The following BBS9 variants were observed in gnomAD, a reference collection of about 807,000 sequenced individuals.
BBS9 encodes the protein Bardet-Biedl syndrome 9.
A neutral mutation model predicts 117.7 loss-of-function variants in BBS9; 89 were observed. The ratio of observed to expected loss-of-function variants is 0.76; its 90% confidence interval spans 0.64 to 0.90. The LOEUF (loss-of-function observed/expected upper bound fraction) is 0.90. BBS9 is among the 40% of genes least tolerant of loss of function. The probability of loss-of-function intolerance (pLI) is 0.00; values close to 1 mark genes in which losing one functional copy is unlikely to be tolerated. For missense variants in BBS9, 982 were observed against 1,042.2 expected (o/e 0.94, Z 0.80); for synonymous variants, 379 against 370.9 (o/e 1.02, Z -0.25).
intron 19 of BBS9, among the ~76,000 whole-genome samples, chr7:33,435,605 A>G (rs1459907508): frequency 6.6e-6 from 1 of 152,152 alleles, no homozygotes; most frequent in East Asian, 1.9e-4. Flanking sequence ...TAGATGCATC[A>G]ATAGATACTG....
chr7:33,423,079 G>C (rs1050792107), intron 19 of BBS9, among the ~76,000 whole-genome samples: 2 of 152,056 alleles, frequency 1.3e-5, no homozygotes, highest in Non-Finnish European at 2.9e-5. Flanking sequence ...GCCAGGGATC[G>C]GAACACTTTG....
chr7:33,311,862 G>A (rs1809319847), intron 9 of BBS9, among the ~76,000 whole-genome samples: 1 of 151,496 alleles, frequency 6.6e-6, no homozygotes, highest in African/African-American at 2.4e-5. Flanking sequence ...TGGCATAAAA[G>A]CAATGGCTAT....
intron 20 of BBS9, among the ~76,000 whole-genome samples, chr7:33,524,624 T>C: frequency 6.6e-6 from 1 of 152,216 alleles, no homozygotes. Flanking sequence ...ATTGCGTCTA[T>C]TTGATTCTTC....
At chr7:33,446,845 T>G (rs998803703) in intron 19 of BBS9, among the ~76,000 whole-genome samples, 1 of 152,172 alleles carries the variant, frequency 6.6e-6, no homozygotes. Flanking sequence ...TGTTGAGCAC[T>G]TCAGAGGGCT....
intron 20 of BBS9, among the ~76,000 whole-genome samples, chr7:33,525,947 G>A (rs1220818365): frequency 6.6e-6 from 1 of 151,504 alleles, no homozygotes; most frequent in Admixed American, 6.6e-5. Flanking sequence ...AGGCCTGGTG[G>A]TGACAAAATC....
At chr7:33,244,859 A>G (rs1162049529) in intron 5 of BBS9, among the ~76,000 whole-genome samples, 1 of 152,178 alleles carries the variant, frequency 6.6e-6, no homozygotes, top group Non-Finnish European at 1.5e-5. Flanking sequence ...TATTGGTACT[A>G]TATCTACATT....
chr7:33,510,758 G>A (rs1010161464), intron 20 of BBS9, among the ~76,000 whole-genome samples: 1 of 152,126 alleles, frequency 6.6e-6, no homozygotes, highest in Non-Finnish European at 1.5e-5. Flanking sequence ...CTACCACATT[G>A]GATAGCCCAG....
At chr7:33,330,045 G>A (rs567107116) in intron 9 of BBS9, among the ~76,000 whole-genome samples, 293 of 151,086 alleles carry the variant, frequency 1.9e-3, no homozygotes, top group Admixed American at 3.2e-3. Flanking sequence ...ACAGAGTCTC[G>A]CTCTGTCGCC....
rs555600399 is a variant in BBS9 at position 33,483,138 on chromosome 7, G to A, written c.2116-22325G>A. ...GAATAGCTTTAAAACAGACTGAAATGTTTCATAAGTGTATCCTGTCTTGCT... is the reference window on the plus strand; with the variant it reads ...GAATAGCTTTAAAACAGACTGAAATATTTCATAAGTGTATCCTGTCTTGCT... On this transcript the variant is annotated intron_variant, in intron 19 of 22. Transcript: ENST00000242067. Among the ~76,000 whole-genome samples the A allele has an allele frequency of 9.2e-5, 14 of 152,230 alleles. No individual in the cohort carries two copies. The East Asian group carries it at 1.7e-3, about 19-fold the overall frequency.
rs543086513 is a variant in BBS9 at position 33,390,401 on chromosome 7, A to G, written c.2115+2257A>G. The G allele has an allele frequency of 8.1e-6, 8 of 985,362 alleles. No individual in the cohort carries two copies. The African/African-American group carries it at 1.2e-4, about 15-fold the overall frequency. 61.0% of individuals were successfully genotyped at this position (985,362 alleles called of 1,614,324 possible). On this transcript the variant is annotated intron_variant, in intron 19 of 22. Coordinates refer to ENST00000242067, the MANE Select transcript of BBS9 (RefSeq NM_198428.3). ...GTTGAGGTTTTCCATGATTTGTAATATTACAGACAAGACGATCAAAACCAT... is the reference window on the plus strand; with the variant it reads ...GTTGAGGTTTTCCATGATTTGTAATGTTACAGACAAGACGATCAAAACCAT...
chr7:33,595,877 T>C (rs183516794), intron 21 of BBS9, among the ~76,000 whole-genome samples: 37 of 152,130 alleles, frequency 2.4e-4, no homozygotes, highest in South Asian at 6.2e-4. Context: ...TACAGGAACA[T>C]AGATGAAGCT....
At chr7:33,274,628 A>G (rs939466257) in intron 9 of BBS9, among the ~76,000 whole-genome samples, 1 of 152,218 alleles carries the variant, frequency 6.6e-6, no homozygotes, top group Non-Finnish European at 1.5e-5. Context: ...TAGAAATACA[A>G]CTTTCCATAA....
At chr7:33,329,850 A>G (rs1813635836) in intron 9 of BBS9, among the ~76,000 whole-genome samples, 1 of 152,246 alleles carries the variant, frequency 6.6e-6, no homozygotes, top group African/African-American at 2.4e-5. Context: ...AAGTTTTAAA[A>G]TGTACATTTT....
At chr7:33,138,550 C>T (rs1191830390) in intron 1 of BBS9, among the ~76,000 whole-genome samples, 1 of 145,378 alleles carries the variant, frequency 6.9e-6, no homozygotes, top group Non-Finnish European at 1.5e-5. Context: ...TAGCAAGGGA[C>T]CAAACTCTGT....
chr7:33,423,023 G>A (rs1381279054), intron 19 of BBS9, among the ~76,000 whole-genome samples: 1 of 152,178 alleles, frequency 6.6e-6, no homozygotes, highest in Non-Finnish European at 1.5e-5. Context: ...CCTTCTATCA[G>A]AACTGAATGC....
At chr7:33,189,656 G>T (rs1288039329) in intron 5 of BBS9, among the ~76,000 whole-genome samples, 1 of 151,868 alleles carries the variant, frequency 6.6e-6, no homozygotes, top group African/African-American at 2.4e-5. Context: ...GGGAGGCTGA[G>T]GGGGGCGGAT....
chr7:33,285,007 G>A (rs985615175), intron 9 of BBS9, among the ~76,000 whole-genome samples: 3 of 152,078 alleles, frequency 2.0e-5, no homozygotes, highest in Non-Finnish European at 2.9e-5. Flanking sequence ...TTATTTTGGG[G>A]CTTTATCTCT....
chr7:33,451,022 G>C (rs1196453940), intron 19 of BBS9, among the ~76,000 whole-genome samples: 1 of 151,920 alleles, frequency 6.6e-6, no homozygotes, highest in African/African-American at 2.4e-5. Flanking sequence ...CCGAGTAGCT[G>C]GGACTACAGG....
intron 5 of BBS9, among the ~76,000 whole-genome samples, chr7:33,246,732 T>C (rs1202486439): frequency 6.6e-6 from 1 of 152,092 alleles, no homozygotes; most frequent in Non-Finnish European, 1.5e-5. Context: ...TTGTCTTTCT[T>C]AGGGAGTCAT....
Sources: allele counts gnomAD v4.1 joint callset (sites outside exome capture counted in the v4.1 genomes callset), GRCh38; gene constraint gnomAD v4.1.1; transcripts MANE v1.5; gene names NCBI Gene and HGNC (gene_info 2026-07-23, HGNC 2026-07-21).